The following RALGAPB variants were observed in gnomAD, a reference collection of about 807,000 sequenced individuals.
RALGAPB encodes Ral GTPase activating protein non-catalytic subunit beta.
A neutral mutation model predicts 161.1 loss-of-function variants in RALGAPB; 25 were observed. The ratio of observed to expected loss-of-function variants is 0.16; its 90% CI spans 0.11 to 0.22. RALGAPB has a LOEUF of 0.22. Ranked by LOEUF, RALGAPB falls within the 10% of genes least tolerant of loss-of-function variation. The pLI is 1.00. For missense variants in RALGAPB, 1,391 were observed against 1,815.2 expected (o/e 0.77, Z 4.25); for synonymous variants, 629 against 626.1 (o/e 1.00, Z -0.07).
chr20:38,514,713 T>C (rs1467544639), intron 6 of RALGAPB, among the ~76,000 whole-genome samples: 1 of 152,244 alleles, frequency 6.6e-6, no homozygotes, highest in Non-Finnish European at 1.5e-5. Context: ...GTTTCCATAC[T>C]GTTGTCAAAT....
chr20:38,486,408 C>G (rs1434325785), intron 1 of RALGAPB, among the ~76,000 whole-genome samples: 1 of 152,120 alleles, frequency 6.6e-6, no homozygotes, highest in African/African-American at 2.4e-5. Flanking sequence ...GATTTAATAG[C>G]TATTAAACCT....
rs754768771 is a variant in RALGAPB at position 38,567,280 on chromosome 20, G to C, written c.3954+48G>C. ...CTCCAAAATTTTGTAGTGAAATCAG[G>C]GTAATTATAGAATCCTGCCTGAAAA... is the stretch of plus-strand genomic sequence containing the variant. On this transcript the variant is annotated intron_variant, in intron 26 of 29. Coordinates refer to ENST00000262879, the MANE Select transcript of RALGAPB (RefSeq NM_020336.4). The C allele has an allele frequency of 8.8e-6, 14 of 1,586,182 alleles. No homozygotes were observed. In the East Asian group the frequency reaches 2.9e-4, roughly 33 times the overall value.
intron 14 of RALGAPB, 121 bp downstream of exon 14, chr20:38,531,352 G>A (rs2086645373): frequency 1.6e-5 from 13 of 802,204 alleles, no homozygotes; most frequent in Non-Finnish European, 2.4e-5. Flanking sequence ...CTGCTCATTG[G>A]CTCAGAAGTT....
chr20:38,552,810 T>C (rs961542309), intron 21 of RALGAPB, among the ~76,000 whole-genome samples: 5 of 152,228 alleles, frequency 3.3e-5, no homozygotes, highest in Non-Finnish European at 7.3e-5. Context: ...AGTGAAGTTA[T>C]TTAACTCACT....
In RALGAPB at chr20:38,576,041, G is replaced by T. The variant is rs2088422236; in HGVS notation, c.*1074G>T. The stretch of plus-strand genomic sequence containing the variant: ...GTGGCTACTGTTAGAAATGGCTGTT[G>T]TCATGTTTTCTGGACTTTGCCAGCC... On this transcript the variant is annotated 3_prime_UTR_variant, in exon 30 of 30. Transcript: ENST00000262879. 6.6e-6 allele frequency: 1 copy of T among 152,298 alleles called. No individual in the cohort carries two copies. Among genetic ancestry groups the T allele is most frequent in the African/African-American group, 2.4e-5 (1 of 41,424 alleles). 9.4% of individuals were successfully genotyped at this position (152,298 alleles called of 1,614,324 possible).
chr20:38,509,408 C>T (rs374354287), intron 6 of RALGAPB, among the ~76,000 whole-genome samples, 200 bp downstream of exon 6: 3 of 152,196 alleles, frequency 2.0e-5, no homozygotes, highest in African/African-American at 4.8e-5. Flanking sequence ...TGTCCTCAGC[C>T]GCTCTTGGTT....
intron 10 of RALGAPB, among the ~76,000 whole-genome samples, chr20:38,522,902 C>G (rs543000688): frequency 2.8e-4 from 43 of 152,180 alleles, no homozygotes; most frequent in Non-Finnish European, 5.6e-4. Flanking sequence ...CTTTATTCCT[C>G]TCTCTTTCTC....
intron 10 of RALGAPB, among the ~76,000 whole-genome samples, chr20:38,522,480 CT>C (rs1210434051): frequency 2.0e-5 from 3 of 152,180 alleles, no homozygotes; most frequent in African/African-American, 7.2e-5. Flanking sequence ...CACCATTATA[CT>C]TTAGACTTTG....
chr20:38,535,450 A>C (rs2086776075), intron 16 of RALGAPB, among the ~76,000 whole-genome samples: 1 of 152,222 alleles, frequency 6.6e-6, no homozygotes, highest in African/African-American at 2.4e-5. Context: ...GAAACATTTC[A>C]ATACTTGCCA....
chr20:38,566,158 T>A (rs1276561163), intron 25 of RALGAPB, among the ~76,000 whole-genome samples: 1 of 152,204 alleles, frequency 6.6e-6, no homozygotes, highest in Non-Finnish European at 1.5e-5. Context: ...ATTTCCAGAC[T>A]AATGACTTTT....
Position 38,519,016 on chromosome 20 carries a change from G to A in RALGAPB, c.1417+1016G>A, listed in dbSNP as rs540554139. Among the ~76,000 whole-genome samples the A allele has an allele frequency of 2.9e-4, 44 of 152,224 alleles. 1 individual carries two copies. The highest frequency in any genetic ancestry group is 3.4e-3 in the Middle Eastern group (1 of 294). On this transcript the variant is annotated intron_variant, in intron 9 of 29. Transcript: ENST00000262879. ...TTATCATCTCAGAACTAGGATCTATGTCTGTGAACATTATACTCGTAATTA... is the reference window on the plus strand; with the variant it reads ...TTATCATCTCAGAACTAGGATCTATATCTGTGAACATTATACTCGTAATTA...
chr20:38,478,397 A>AT (rs1351684129), intron 1 of RALGAPB, among the ~76,000 whole-genome samples: 13 of 152,134 alleles, frequency 8.5e-5, no homozygotes, highest in Non-Finnish European at 1.5e-4. Context: ...GCAAAGGTAC[A>AT]ATGTGCTCAA....
At chr20:38,544,451 G>C (rs1043829125) in intron 18 of RALGAPB, among the ~76,000 whole-genome samples, 1 of 151,924 alleles carries the variant, frequency 6.6e-6, no homozygotes, top group Non-Finnish European at 1.5e-5. Context: ...GTGGTTTACA[G>C]AGTATAATAC....
intron 6 of RALGAPB, among the ~76,000 whole-genome samples, chr20:38,515,816 C>T (rs547497026): frequency 4.5e-4 from 68 of 152,254 alleles, no homozygotes; most frequent in Non-Finnish European, 8.4e-4. Flanking sequence ...ACTGCAGCCT[C>T]GGCCTTGAAC....
chr20:38,516,361 G>A lies in RALGAPB; in HGVS notation c.1042G>A (p.Ala348Thr). 3 of 1,612,840 alleles carry A rather than the reference G, an allele frequency of 1.9e-6. No individual in the cohort carries two copies. The highest frequency in any genetic ancestry group is 2.5e-6 in the Non-Finnish European group (3 of 1,179,394). The change falls in exon 7 of 30, where the codon GCA (alanine) becomes ACA (threonine). Residue 348 changes from alanine (A) to threonine (T), a missense_variant. Around this residue, in one of 3 missense-constraint regions of RALGAPB, gnomAD observed 946 missense variants for 1,257.2 expected, o/e 0.75. Coordinates refer to ENST00000262879, the MANE Select transcript of RALGAPB (RefSeq NM_020336.4). Reference sequence around the variant, plus strand: ...GCGTGGAATCAGCTGTCTGGTGGATGCATTCTTAGGTGAATTTTGTGTATG... The same window carrying A: ...GCGTGGAATCAGCTGTCTGGTGGATACATTCTTAGGTGAATTTTGTGTATG... ...AMRGISCLVD[A>T]FLGISRPRSD...
chr20:38,533,602 C>CA (rs1568949744), intron 15 of RALGAPB, among the ~76,000 whole-genome samples: 2 of 152,106 alleles, frequency 1.3e-5, no homozygotes, highest in Non-Finnish European at 2.9e-5. Context: ...TGAGGCATGT[C>CA]ATGAGCCATG....
chr20:38,510,131 TACACACACACAC>T (rs34759480), intron 6 of RALGAPB, among the ~76,000 whole-genome samples: 15 of 146,166 alleles, frequency 1.0e-4, no homozygotes, highest in East Asian at 4.0e-4. Context: ...CACACGCACA[TACACACACACAC>T]ACACACACAC....
At chr20:38,540,908 T>C in intron 17 of RALGAPB, 133 bp from the exon 18 acceptor site, 1 of 836,398 alleles carries the variant, frequency 1.2e-6, no homozygotes, top group South Asian at 2.0e-5. Flanking sequence ...TTAATATATA[T>C]CCATTAAAGA....
At chr20:38,525,174 A>G (rs552469835) in intron 11 of RALGAPB, among the ~76,000 whole-genome samples, 2 of 152,332 alleles carry the variant, frequency 1.3e-5, no homozygotes, top group South Asian at 4.2e-4. Context: ...CTAGAAGGGT[A>G]AGAACAACTC....
Sources: gnomAD v4.1 joint callset for allele counts (sites outside exome capture counted in the v4.1 genomes callset) on GRCh38, gnomAD v4.1.1 for gene constraint, gnomAD v4.1.1 regional missense constraint, MANE v1.5 for transcripts, NCBI Gene and HGNC (gene_info 2026-07-23, HGNC 2026-07-21) for gene names.